ULK4: variants seen among roughly 807,000 people sequenced by gnomAD.
ULK4 encodes unc-51 like kinase 4.
A neutral mutation model predicts 160.6 loss-of-function variants in ULK4; 133 were observed. That is an observed-to-expected ratio of 0.83 (90% CI 0.72 to 0.96). The LOEUF is 0.96. ULK4 is among the 40% of genes least tolerant of loss of function. The probability of loss-of-function intolerance (pLI) is 0.00; values close to 1 mark genes in which losing one functional copy is unlikely to be tolerated. For synonymous variants in ULK4, 534 were observed against 539.8 expected (o/e 0.99, Z 0.15); for missense variants, 1,580 against 1,499.5 (o/e 1.05, Z -0.89).
intron 34 of ULK4, among the ~76,000 whole-genome samples, chr3:41,424,611 T>G (rs769270958): frequency 2.6e-5 from 4 of 152,060 alleles, no homozygotes; most frequent in Non-Finnish European, 4.4e-5. Context: ...TGGTGACACC[T>G]CCAGGTGTGG....
intron 29 of ULK4, among the ~76,000 whole-genome samples, chr3:41,679,224 A>C (rs78456691): frequency 6.6e-6 from 1 of 152,208 alleles, no homozygotes; most frequent in East Asian, 1.9e-4. Context: ...GAGCCTAACA[A>C]TAACAGTCAC....
rs568618924 is a variant in ULK4 at position 41,611,504 on chromosome 3, T to C, written c.3120+4165A>G. On this transcript the variant is annotated intron_variant, in intron 31 of 36. Coordinates refer to ENST00000301831, the MANE Select transcript of ULK4 (RefSeq NM_017886.4). ...ATCGGATCGAACATCTGAGACGTGT[T>C]CTGTATCTTATGTTGCCAGCCCCAC... is the stretch of plus-strand genomic sequence containing the variant. 1.2e-4 allele frequency among the ~76,000 whole-genome samples: 18 copies of C among 152,320 alleles called. No homozygotes were observed. In the East Asian group the frequency reaches 2.1e-3, roughly 18 times the overall value.
intron 32 of ULK4, among the ~76,000 whole-genome samples, chr3:41,547,949 C>A (rs2086921297): frequency 6.6e-6 from 1 of 152,166 alleles, no homozygotes; most frequent in African/African-American, 2.4e-5. Context: ...CTGCCTGCTG[C>A]CTGGGGATGC....
intron 1 of ULK4, among the ~76,000 whole-genome samples, chr3:41,957,576 G>A (rs867820078): frequency 3.3e-5 from 5 of 151,696 alleles, no homozygotes; most frequent in Non-Finnish European, 7.4e-5. Flanking sequence ...GGCCAGGCAC[G>A]GTTGCTCGCA....
At chr3:41,755,204 A>G (rs959460908) in intron 21 of ULK4, among the ~76,000 whole-genome samples, 9 of 152,210 alleles carry the variant, frequency 5.9e-5, no homozygotes, top group African/African-American at 2.2e-4. Flanking sequence ...GAGAACAGGA[A>G]TATATAAGTT....
intron 21 of ULK4, among the ~76,000 whole-genome samples, chr3:41,771,989 C>T (rs562065190): frequency 7.2e-5 from 11 of 152,274 alleles, no homozygotes; most frequent in African/African-American, 2.6e-4. Flanking sequence ...CTCCGTCTAT[C>T]CTCAGAAGCA....
intron 5 of ULK4, among the ~76,000 whole-genome samples, chr3:41,928,946 T>G (rs1699484642): frequency 6.6e-6 from 1 of 151,948 alleles, no homozygotes. Context: ...CTGAAACTAT[T>G]ACAAACAATA....
chr3:41,484,208 A>G (rs1308242570), intron 32 of ULK4, among the ~76,000 whole-genome samples: 1 of 152,166 alleles, frequency 6.6e-6, no homozygotes, highest in Non-Finnish European at 1.5e-5. Flanking sequence ...TGATACTGAT[A>G]ATATCAATAA....
At chr3:41,846,845 G>C (rs575457800) in intron 17 of ULK4, among the ~76,000 whole-genome samples, 209 of 149,382 alleles carry the variant, frequency 1.4e-3, no homozygotes, top group Non-Finnish European at 2.3e-3. Context: ...GAAACTAAAA[G>C]ATAAAAATAG....
chr3:41,850,753 T>C (rs1208398194), intron 17 of ULK4, among the ~76,000 whole-genome samples: 2 of 152,246 alleles, frequency 1.3e-5, no homozygotes, highest in African/African-American at 2.4e-5. Flanking sequence ...TCCCATTCTG[T>C]AGGTTGCCTG....
chr3:41,385,780 A>G (rs939751712), intron 35 of ULK4, among the ~76,000 whole-genome samples: 1 of 152,188 alleles, frequency 6.6e-6, no homozygotes, highest in Non-Finnish European at 1.5e-5. Flanking sequence ...TTGCTTTGTC[A>G]GCAGTGAAAC....
intron 31 of ULK4, among the ~76,000 whole-genome samples, chr3:41,596,037 AG>A (rs1289517199): frequency 6.6e-6 from 1 of 152,236 alleles, no homozygotes; most frequent in Non-Finnish European, 1.5e-5. Context: ...AAATGGGCCC[AG>A]GAACAAGTAG....
rs2079383739 is a variant in ULK4 at position 41,282,754 on chromosome 3, A to T, written c.3679-33180T>A. On this transcript the variant is annotated intron_variant, in intron 35 of 36. Transcript: ENST00000301831. The stretch of plus-strand genomic sequence containing the variant: ...CATAGGCATGGGCAAAGACTTCATG[A>T]CTAAAACACCAAAAGCAATGGCAAC... Among the ~76,000 whole-genome samples the T allele has an allele frequency of 1.3e-5, 2 of 152,186 alleles. 1 individual carries two copies. The highest frequency in any genetic ancestry group is 2.9e-5 in the Non-Finnish European group (2 of 68,014).
intron 35 of ULK4, among the ~76,000 whole-genome samples, chr3:41,358,927 G>A (rs776991388): frequency 3.1e-4 from 47 of 152,290 alleles, no homozygotes; most frequent in Non-Finnish European, 6.2e-4. Context: ...GTGGGGTGAC[G>A]GATTGGGTGG....
At chr3:41,960,319 C>T (rs534426715) in intron 1 of ULK4, among the ~76,000 whole-genome samples, 1 of 152,236 alleles carries the variant, frequency 6.6e-6, no homozygotes, top group African/African-American at 2.4e-5. Context: ...CATTTCTCCT[C>T]TCTAAGGCTG....
intron 30 of ULK4, among the ~76,000 whole-genome samples, chr3:41,621,847 T>A (rs1015133091): frequency 6.6e-6 from 1 of 151,842 alleles, no homozygotes; most frequent in Non-Finnish European, 1.5e-5. Context: ...CGGGAGAAAA[T>A]TTTTGCAATT....
chr3:41,557,618 T>A (rs1046277327), intron 32 of ULK4, among the ~76,000 whole-genome samples: 3 of 149,544 alleles, frequency 2.0e-5, no homozygotes, highest in African/African-American at 7.4e-5. Flanking sequence ...AAAAAAAAAT[T>A]AGCCAGGCAT....
At chr3:41,491,677 T>C (rs945965825) in intron 32 of ULK4, among the ~76,000 whole-genome samples, 5 of 127,926 alleles carry the variant, frequency 3.9e-5, no homozygotes, top group African/African-American at 1.2e-4. Context: ...ATAAAATTAA[T>C]AGGAAAAAAA....
intron 29 of ULK4, among the ~76,000 whole-genome samples, chr3:41,672,888 G>A (rs1422086151): frequency 6.6e-6 from 1 of 152,084 alleles, no homozygotes; most frequent in African/African-American, 2.4e-5. Context: ...CGAGGCTGGA[G>A]TACAGTGGCA....
Sources: allele counts gnomAD v4.1 joint callset (sites outside exome capture counted in the v4.1 genomes callset), GRCh38; gene constraint gnomAD v4.1.1; transcripts MANE v1.5; gene names NCBI Gene and HGNC (gene_info 2026-07-23, HGNC 2026-07-21).